PIGN: variants seen among roughly 807,000 people sequenced by gnomAD.
The protein encoded by PIGN is phosphatidylinositol glycan anchor biosynthesis class N.
In PIGN, 117 loss-of-function variants were observed where a neutral mutation model predicts 125.4. The observed-to-expected ratio is 0.93, with a 90% CI of 0.80 to 1.09. PIGN has a LOEUF of 1.09. Among genes scored for constraint, PIGN ranks in the 50% least tolerant of loss-of-function variants. The probability of loss-of-function intolerance (pLI) is 0.00; values close to 1 mark genes in which losing one functional copy is unlikely to be tolerated. For synonymous variants in PIGN, 392 were observed against 377.8 expected (o/e 1.04, Z -0.44); for missense variants, 1,075 against 1,094.9 (o/e 0.98, Z 0.26).
chr18:62,078,786 T>C (rs2033304546), intron 28 of PIGN, among the ~76,000 whole-genome samples: 1 of 152,210 alleles, frequency 6.6e-6, no homozygotes, highest in African/African-American at 2.4e-5. Flanking sequence ...ATTCAAGAGA[T>C]AAATACCTGC....
At chr18:62,110,059 C>T in intron 16 of PIGN, 86 bp from the exon 17 acceptor site, 1 of 1,273,896 alleles carries the variant, frequency 7.8e-7, no homozygotes, top group Non-Finnish European at 1.1e-6. Flanking sequence ...GTAAAGAAAA[C>T]CTATTACTTT....
At chr18:62,110,065 ACTTT>A in intron 16 of PIGN, 92 bp from the exon 17 acceptor site, 1 of 1,195,770 alleles carries the variant, frequency 8.4e-7, no homozygotes. Context: ...AAAACCTATT[ACTTT>A]CTTTCAATGG....
chr18:62,136,089 T>A (rs1395351967), intron 14 of PIGN: 2 of 152,182 alleles, frequency 1.3e-5, no homozygotes, highest in East Asian at 3.8e-4. Flanking sequence ...GAAAAACATA[T>A]GAACATTTAT....
chr18:62,047,814 T>G (rs1445012897), intron 30 of PIGN, among the ~76,000 whole-genome samples: 1 of 151,786 alleles, frequency 6.6e-6, no homozygotes, highest in East Asian at 1.9e-4. Context: ...ACCAGGAAGA[T>G]CTCAAGCAGA....
chr18:62,030,644 C>T (rs77700532), intron 23 of PIGN, among the ~76,000 whole-genome samples: 2,091 of 152,318 alleles, frequency 0.014, 83 homozygotes, highest in East Asian at 0.11. Context: ...TTTATCTTCA[C>T]ATTGTGCTGA....
downstream of PIGN, among the ~76,000 whole-genome samples, chr18:62,038,203 A>C (rs1228450956): frequency 6.6e-6 from 1 of 152,190 alleles, no homozygotes; most frequent in Non-Finnish European, 1.5e-5. Flanking sequence ...CCAACTTAGC[A>C]GAAGATAAAA....
At chr18:62,060,348 T>C (rs915508172) in intron 30 of PIGN, among the ~76,000 whole-genome samples, 1 of 152,148 alleles carries the variant, frequency 6.6e-6, no homozygotes, top group African/African-American at 2.4e-5. Flanking sequence ...GCACATGGAA[T>C]TGCCAGGCAG....
chr18:62,051,237 CCT>C (rs1455562468), intron 30 of PIGN, among the ~76,000 whole-genome samples: 4 of 152,030 alleles, frequency 2.6e-5, no homozygotes, highest in African/African-American at 4.8e-5. Context: ...GGGAGGATTC[CCT>C]CTTTTTCTAT....
At chr18:62,038,004 T>C (rs1446147976), downstream of PIGN, among the ~76,000 whole-genome samples, 24 of 152,206 alleles carry the variant, frequency 1.6e-4, no homozygotes, top group Non-Finnish European at 4.4e-5. Flanking sequence ...GGAATGAACA[T>C]GTAAGAGTTC....
chr18:62,154,662 A>C lies in PIGN; in HGVS notation c.443-11T>G. On this transcript the variant is annotated splice_polypyrimidine_tract_variant and intron_variant, in intron 6 of 30. Coordinates refer to ENST00000640252, the MANE Select transcript of PIGN (RefSeq NM_176787.5). ...GGTCTCCACTAGCACCTGAAAAGAAAATTTGGAAAAAATAATCTTTTTACA... is the reference window on the plus strand; with the variant it reads ...GGTCTCCACTAGCACCTGAAAAGAACATTTGGAAAAAATAATCTTTTTACA... The C allele has an allele frequency of 8.5e-7, 1 of 1,172,630 alleles. No individual in the cohort carries two copies. The highest frequency in any genetic ancestry group is 1.3e-6 in the Non-Finnish European group (1 of 790,106). The allele number at this position is 1,172,630 out of a possible 1,614,324, so 72.6% of individuals were successfully genotyped here. A position where few individuals can be genotyped will look rare whatever the true frequency, so the allele number is the denominator to read the frequency against.
At chr18:62,098,519 T>C (rs948356472) in intron 22 of PIGN, among the ~76,000 whole-genome samples, 7 of 152,222 alleles carry the variant, frequency 4.6e-5, no homozygotes, top group Non-Finnish European at 8.8e-5. Flanking sequence ...GTTTTACTTT[T>C]GTCTAAATGA....
At chr18:62,171,546 T>C (rs2048744495) in intron 1 of PIGN, among the ~76,000 whole-genome samples, 1 of 152,216 alleles carries the variant, frequency 6.6e-6, no homozygotes, top group Non-Finnish European at 1.5e-5. Context: ...TTGTTTCCAA[T>C]ATTAGGATGA....
rs760346433 is a variant in PIGN at position 62,095,843 on chromosome 18, T to A, written c.2180+5A>T. 2 of 1,544,830 alleles carry A rather than the reference T, an allele frequency of 1.3e-6. No individual in the cohort carries two copies. Among genetic ancestry groups the A allele is most frequent in the South Asian group, 2.2e-5 (2 of 89,412 alleles). ...TATAAAATTAAATTGTTAAAAAGTT[T>A]ATACCCTGTGCTTAGAAGTAGGTAG... On this transcript the variant is annotated splice_donor_5th_base_variant and intron_variant, in intron 23 of 30. Coordinates refer to ENST00000640252, the MANE Select transcript of PIGN (RefSeq NM_176787.5).
chr18:62,090,367 T>C (rs1431777812), intron 24 of PIGN, 109 bp downstream of exon 24: 2 of 624,768 alleles, frequency 3.2e-6, no homozygotes, highest in Non-Finnish European at 5.4e-6. Flanking sequence ...CTAAAACTTT[T>C]AACACTAAAA....
intron 21 of PIGN, 67 bp from the exon 22 acceptor site, chr18:62,101,250 TAAG>T (rs2034427733): frequency 5.9e-6 from 5 of 847,600 alleles, no homozygotes; most frequent in Non-Finnish European, 9.7e-6. Context: ...AGCAAGAATG[TAAG>T]ACATTCTTAT....
Position 62,139,965 on chromosome 18 carries a change from G to A in PIGN, c.1023+455C>T, listed in dbSNP as rs1297434425. Among the ~76,000 whole-genome samples the A allele has an allele frequency of 6.6e-5, 10 of 152,060 alleles. No homozygotes were observed. The South Asian group carries it at 1.7e-3, about 25-fold the overall frequency. ...TCTTTTCAATAATTTCCCTTTAAAC[G>A]AAGTCAGTTTTTGCTGCTTGTAATA... On this transcript the variant is annotated intron_variant, in intron 12 of 30. Coordinates refer to ENST00000640252, the MANE Select transcript of PIGN (RefSeq NM_176787.5).
At chr18:62,156,944 A>G (rs1345190905) in intron 6 of PIGN, among the ~76,000 whole-genome samples, 185 bp downstream of exon 6, 4 of 152,196 alleles carry the variant, frequency 2.6e-5, no homozygotes, top group African/African-American at 9.7e-5. Flanking sequence ...TGATGTGCCA[A>G]TATCTCAAGT....
intron 30 of PIGN, among the ~76,000 whole-genome samples, chr18:62,070,801 C>CTAATTAATTAATTAATTAATTAAT (rs965621472): frequency 1.4e-5 from 2 of 147,948 alleles, no homozygotes; most frequent in African/African-American, 5.3e-5. Context: ...TTTTAATTAA[C>CTAATTAATTAATTAATTAATTAAT]TAATTAATTA....
At chr18:62,143,474 T>G in intron 10 of PIGN, 128 bp from the exon 11 acceptor site, 1 of 566,834 alleles carries the variant, frequency 1.8e-6, no homozygotes, top group Non-Finnish European at 3.1e-6. Flanking sequence ...AAGCCAAGTA[T>G]GAATAAAAAT....
Sources: gnomAD v4.1 joint callset for allele counts (sites outside exome capture counted in the v4.1 genomes callset) on GRCh38, gnomAD v4.1.1 for gene constraint, MANE v1.5 for transcripts, NCBI Gene and HGNC (gene_info 2026-07-23, HGNC 2026-07-21) for gene names.